The following NRG3 variants were observed in gnomAD, a reference collection of about 807,000 sequenced individuals.
NRG3 encodes the protein pro-neuregulin-3, membrane-bound isoform.
A neutral mutation model predicts 66.9 loss-of-function variants in NRG3; 31 were observed. That is an observed-to-expected ratio of 0.46 (90% CI 0.35 to 0.63). The LOEUF (loss-of-function observed/expected upper bound fraction) is 0.63. NRG3 is among the 20% of genes least tolerant of loss of function. The pLI is 0.00. For synonymous variants in NRG3, 393 were observed against 359.4 expected, an observed-to-expected ratio of 1.09 and a Z score of -1.06; for missense variants, 910 against 878.9, an observed-to-expected ratio of 1.04 and a Z score of -0.45.
intron 1 of NRG3, among the ~76,000 whole-genome samples, chr10:82,259,065 G>A (rs1390547204): frequency 6.6e-6 from 1 of 152,144 alleles, no homozygotes; most frequent in African/African-American, 2.4e-5. Flanking sequence ...TTATTCCAGA[G>A]CTCAGACCTA....
At chr10:82,266,096 G>A (rs993260292) in intron 1 of NRG3, among the ~76,000 whole-genome samples, 5 of 152,122 alleles carry the variant, frequency 3.3e-5, no homozygotes, top group African/African-American at 1.2e-4. Flanking sequence ...AGAAGATGTA[G>A]GAGCTTGAGT....
At chr10:82,435,612 C>G (rs1460406018) in intron 2 of NRG3, among the ~76,000 whole-genome samples, 1 of 152,038 alleles carries the variant, frequency 6.6e-6, no homozygotes, top group Non-Finnish European at 1.5e-5. Flanking sequence ...CTTAACACTG[C>G]TTTAACTGTG....
In NRG3 at chr10:82,892,695, A is replaced by ATAAC. The variant is rs1452792973; in HGVS notation, c.1054+27261_1054+27262insCTAA. 8.4e-4 allele frequency among the ~76,000 whole-genome samples: 127 copies of ATAAC among 151,106 alleles called. 14 individuals are homozygous for ATAAC. Among genetic ancestry groups the ATAAC allele is most frequent in the African/African-American group, 1.2e-3 (48 of 41,262 alleles). On this transcript the variant is annotated intron_variant, in intron 4 of 8. Coordinates refer to ENST00000372141, the MANE Select transcript of NRG3 (RefSeq NM_001010848.4). ...AATAAATAAATAAATAAATAAATAA[A>ATAAC]TAAATAAATAAAAGTTAAAAATAAA...
intron 1 of NRG3, among the ~76,000 whole-genome samples, chr10:81,955,339 C>T (rs899917645): frequency 1.8e-4 from 27 of 152,084 alleles, no homozygotes; most frequent in African/African-American, 6.5e-4. Flanking sequence ...AGAACAGGAG[C>T]TGATGTCCCA....
chr10:82,740,074 T>TA (rs1302447536), intron 3 of NRG3, among the ~76,000 whole-genome samples: 1 of 151,868 alleles, frequency 6.6e-6, no homozygotes, highest in East Asian at 1.9e-4. Context: ...TTTCTGTTTT[T>TA]ATCCCTTCTC....
At chr10:82,448,618 G>A (rs1382554338) in intron 2 of NRG3, among the ~76,000 whole-genome samples, 1 of 152,114 alleles carries the variant, frequency 6.6e-6, no homozygotes. Flanking sequence ...ACAAATGGCT[G>A]CTTCTTTCCC....
At chr10:82,171,307 C>T (rs1278475713) in intron 1 of NRG3, among the ~76,000 whole-genome samples, 6 of 152,064 alleles carry the variant, frequency 3.9e-5, no homozygotes, top group Non-Finnish European at 4.4e-5. Context: ...GGTTTTTCCT[C>T]TCTTTGCCCA....
intron 3 of NRG3, among the ~76,000 whole-genome samples, chr10:82,851,598 T>G (rs1220030255): frequency 6.6e-6 from 1 of 152,180 alleles, no homozygotes; most frequent in Non-Finnish European, 1.5e-5. Flanking sequence ...TTGGATAACC[T>G]CAAATATTTT....
chr10:82,458,234 A>G (rs1328579424), intron 2 of NRG3, among the ~76,000 whole-genome samples: 1 of 152,218 alleles, frequency 6.6e-6, no homozygotes, highest in Non-Finnish European at 1.5e-5. Flanking sequence ...CTGGACAAAG[A>G]AAATGGGTGA....
intron 1 of NRG3, among the ~76,000 whole-genome samples, chr10:82,072,712 T>G (rs2064876817): frequency 6.6e-6 from 1 of 151,670 alleles, no homozygotes; most frequent in Non-Finnish European, 1.5e-5. Flanking sequence ...TGCTTCATTA[T>G]TTTATGTCTT....
chr10:82,390,203 C>A (rs1450295216), intron 2 of NRG3, among the ~76,000 whole-genome samples: 7 of 152,156 alleles, frequency 4.6e-5, no homozygotes, highest in Admixed American at 4.6e-4. Flanking sequence ...TCTCAGTGAT[C>A]CATTTTCAAA....
chr10:82,466,939 T>C (rs912321639), intron 2 of NRG3, among the ~76,000 whole-genome samples: 2 of 151,684 alleles, frequency 1.3e-5, no homozygotes, highest in Non-Finnish European at 2.9e-5. Flanking sequence ...CAAAACATAT[T>C]GGCCATACAT....
At chr10:82,919,034 A>T (rs897549463) in intron 4 of NRG3, among the ~76,000 whole-genome samples, 2 of 151,022 alleles carry the variant, frequency 1.3e-5, no homozygotes, top group African/African-American at 4.9e-5. Flanking sequence ...TAAGCCTTTT[A>T]TCTGGTAGGT....
intron 2 of NRG3, among the ~76,000 whole-genome samples, chr10:82,414,362 C>G (rs1274067049): frequency 6.6e-6 from 1 of 152,040 alleles, no homozygotes; most frequent in Admixed American, 6.6e-5. Flanking sequence ...ATGTCACTGT[C>G]TTATATGGGC....
At chr10:82,479,262 T>G (rs902595892) in intron 2 of NRG3, among the ~76,000 whole-genome samples, 12 of 152,178 alleles carry the variant, frequency 7.9e-5, no homozygotes, top group African/African-American at 2.9e-4. Context: ...AAAAATACCT[T>G]TAACTCAGGG....
At chr10:82,375,148 T>A (rs1388076181) in intron 2 of NRG3, among the ~76,000 whole-genome samples, 1 of 152,200 alleles carries the variant, frequency 6.6e-6, no homozygotes, top group Non-Finnish European at 1.5e-5. Flanking sequence ...AGCATTCAGA[T>A]AAATGGATGA....
intron 1 of NRG3, among the ~76,000 whole-genome samples, chr10:81,904,215 G>A (rs1844371196): frequency 6.6e-6 from 1 of 151,860 alleles, no homozygotes; most frequent in Non-Finnish European, 1.5e-5. Context: ...TCACCATGTT[G>A]GCTAGGTTGG....
At chr10:82,169,221 T>C (rs899530904) in intron 1 of NRG3, among the ~76,000 whole-genome samples, 2 of 152,102 alleles carry the variant, frequency 1.3e-5, no homozygotes, top group African/African-American at 4.8e-5. Context: ...AATTCTAAAA[T>C]GTTGGCTAGA....
intron 1 of NRG3, among the ~76,000 whole-genome samples, chr10:82,122,238 T>C (rs1590193060): frequency 6.6e-6 from 1 of 152,198 alleles, no homozygotes; most frequent in East Asian, 1.9e-4. Flanking sequence ...CTGTGGTTCT[T>C]ATACCAAACT....
Sources: gnomAD v4.1 joint callset for allele counts (sites outside exome capture counted in the v4.1 genomes callset) on GRCh38, gnomAD v4.1.1 for gene constraint, MANE v1.5 for transcripts, NCBI Gene and HGNC (gene_info 2026-07-23, HGNC 2026-07-21) for gene names.